Variants in MME observed in about 807,000 individuals in gnomAD.
MME encodes the protein membrane metalloendopeptidase, also known as neprilysin.
Under a neutral mutation model 113.2 loss-of-function variants are expected in MME, and 98 were observed. That is an observed-to-expected ratio of 0.87 (90% CI 0.74 to 1.02). The LOEUF is 1.02. MME is among the 50% of genes least tolerant of loss of function. MME has a pLI of 0.00. For missense variants in MME, 836 were observed against 896.0 expected (o/e 0.93, Z 0.86); for synonymous variants, 292 against 300.6 (o/e 0.97, Z 0.30).
intron 17 of MME, among the ~76,000 whole-genome samples, chr3:155,165,887 C>G (rs567607077): frequency 2.0e-5 from 3 of 152,274 alleles, no homozygotes; most frequent in African/African-American, 4.8e-5. Context: ...AATACAAAGA[C>G]TGAGGGCCTA....
intron 22 of MME, among the ~76,000 whole-genome samples, chr3:155,175,698 A>G (rs1317908572): frequency 2.0e-5 from 3 of 152,122 alleles, no homozygotes; most frequent in Non-Finnish European, 4.4e-5. Context: ...ACCACTATCA[A>G]AGCAAGAAAT....
intron 1 of MME, among the ~76,000 whole-genome samples, chr3:155,056,798 T>A (rs1713944517): frequency 6.6e-6 from 1 of 152,092 alleles, no homozygotes. Context: ...CCACCAACAG[T>A]GTAAAAGTCT....
intron 3 of MME, chr3:155,112,802 G>A (rs1316728254): frequency 6.6e-6 from 1 of 152,200 alleles, no homozygotes; most frequent in Non-Finnish European, 1.5e-5. Flanking sequence ...AAGAGAAGGT[G>A]GTAAGAAGAC....
chr3:155,075,525 T>A (rs939924650), upstream of MME, among the ~76,000 whole-genome samples: 1 of 152,232 alleles, frequency 6.6e-6, no homozygotes, highest in East Asian at 1.9e-4. Context: ...GATTGACTTA[T>A]GTTTAATTTT....
chr3:155,060,855 G>T (rs1463962725), intron 1 of MME, among the ~76,000 whole-genome samples: 1 of 151,044 alleles, frequency 6.6e-6, no homozygotes, highest in Non-Finnish European at 1.5e-5. Flanking sequence ...GAGAGAGAGA[G>T]AGAGTGAGAG....
At chr3:155,169,832 T>G (rs1429920292) in intron 20 of MME, among the ~76,000 whole-genome samples, 1 of 152,022 alleles carries the variant, frequency 6.6e-6, no homozygotes, top group Non-Finnish European at 1.5e-5. Flanking sequence ...AATGGTTGGA[T>G]CAGGGAAGAG....
chr3:155,031,048 T>A (rs1712953296), intron 1 of MME, among the ~76,000 whole-genome samples: 1 of 152,202 alleles, frequency 6.6e-6, no homozygotes, highest in Non-Finnish European at 1.5e-5. Flanking sequence ...ATGATTTTCT[T>A]TAAGTCCTAC....
At chr3:155,027,289 C>T (rs557424483) in intron 1 of MME, among the ~76,000 whole-genome samples, 23 of 151,988 alleles carry the variant, frequency 1.5e-4, no homozygotes, top group African/African-American at 5.6e-4. Flanking sequence ...CGTAACACTT[C>T]CCTCATCTAC....
intron 1 of MME, among the ~76,000 whole-genome samples, chr3:155,042,900 T>TATA (rs1713382308): frequency 1.4e-4 from 9 of 62,956 alleles, no homozygotes; most frequent in Non-Finnish European, 1.7e-4. Context: ...ATAGTAGGTT[T>TATA]TATATATATA....
chr3:155,073,554 A>C (rs760024846), intron 1 of MME, among the ~76,000 whole-genome samples: 9 of 152,166 alleles, frequency 5.9e-5, no homozygotes, highest in Non-Finnish European at 1.3e-4. Context: ...TTTAGAAAAG[A>C]GTATCAATTT....
chr3:155,115,023 AC>A lies in MME; in HGVS notation c.228del (p.Thr77LeufsTer16), dbSNP rs1718480092. ...TCGACTGATCCAAAACATGGATGCC[AC>A]CACTGAGCCTTGTACAGACTTTTTC... is the stretch of plus-strand genomic sequence containing the variant. ...AARLIQNMDA[T>X]TEPCTDFFKY... On this transcript the variant is annotated frameshift_variant, in exon 4 of 23. Coordinates refer to ENST00000360490, the MANE Select transcript of MME (RefSeq NM_007289.4). LOFTEE classifies it high-confidence loss of function. 3.1e-6 allele frequency: 5 copies of A among 1,613,992 alleles called. No homozygotes were observed. Among genetic ancestry groups the A allele is most frequent in the Admixed American group, 1.7e-5 (1 of 59,998 alleles).
At chr3:155,028,138 C>G (rs188283155) in intron 1 of MME, among the ~76,000 whole-genome samples, 2 of 152,180 alleles carry the variant, frequency 1.3e-5, no homozygotes, top group Non-Finnish European at 2.9e-5. Context: ...CCTTTCTAGG[C>G]TCTGGAGATT....
In MME at chr3:155,034,504, A is replaced by G. The variant is rs545710879; in HGVS notation, c.-11+10180A>G. Among the ~76,000 whole-genome samples, 175 of 152,352 alleles carry G rather than the reference A, an allele frequency of 1.1e-3. 2 individuals are homozygous for G. The highest frequency in any genetic ancestry group is 4.0e-3 in the African/African-American group (165 of 41,598). On this transcript the variant is annotated intron_variant, in intron 1 of 22. Transcript: ENST00000492661. ...CAGTCTGTCTAACTTTAGAAGAGGT[A>G]CAGAGCCTTATTAACAAGGAAGAAA...
intron 3 of MME, chr3:155,112,851 CCT>C (rs745391948): frequency 6.6e-6 from 1 of 152,124 alleles, no homozygotes; most frequent in Non-Finnish European, 1.5e-5. Context: ...TAATTGCACC[CCT>C]GTTACCTAGG....
At chr3:155,159,961 A>G (rs930041797) in intron 16 of MME, among the ~76,000 whole-genome samples, 1 of 152,044 alleles carries the variant, frequency 6.6e-6, no homozygotes, top group African/African-American at 2.4e-5. Flanking sequence ...CCAGGAATTA[A>G]CTATTTTTAA....
At chr3:155,090,035 C>T in intron 3 of MME, 1 of 265,670 alleles carries the variant, frequency 3.8e-6, no homozygotes, top group Non-Finnish European at 7.9e-6. Flanking sequence ...CTAAATTATC[C>T]AGAGGCCAGA....
chr3:155,134,457 A>G (rs1268270677), intron 8 of MME, among the ~76,000 whole-genome samples: 1 of 152,166 alleles, frequency 6.6e-6, no homozygotes, highest in African/African-American at 2.4e-5. Context: ...ATGTTGCTGC[A>G]AAGGACATGA....
chr3:155,165,618 A>C (rs1723036557), intron 17 of MME, among the ~76,000 whole-genome samples: 1 of 152,164 alleles, frequency 6.6e-6, no homozygotes, highest in Non-Finnish European at 1.5e-5. Context: ...AGAGTAGATT[A>C]GATTTAGAAT....
At chr3:155,116,062 GAT>G (rs1342514661) in intron 4 of MME, among the ~76,000 whole-genome samples, 2 of 151,752 alleles carry the variant, frequency 1.3e-5, no homozygotes, top group Non-Finnish European at 2.9e-5. Flanking sequence ...GTCACACAAA[GAT>G]AATTATTTTC....
Sources: gnomAD v4.1 joint callset for allele counts (sites outside exome capture counted in the v4.1 genomes callset) on GRCh38, gnomAD v4.1.1 for gene constraint, MANE v1.5 for transcripts, NCBI Gene and HGNC (gene_info 2026-07-23, HGNC 2026-07-21) for gene names.